Variants in ADAMTS16 observed in about 807,000 individuals in gnomAD.
The protein encoded by ADAMTS16 is A disintegrin and metalloproteinase with thrombospondin motifs 16.
ADAMTS16 carries 94 observed loss-of-function variants against 145.8 expected under a neutral mutation model. That is an observed-to-expected ratio of 0.64 (90% CI 0.55 to 0.77). The LOEUF (loss-of-function observed/expected upper bound fraction) is 0.77, where lower values mean the gene tolerates loss of function less well. Ranked by LOEUF, ADAMTS16 falls within the 30% of genes least tolerant of loss-of-function variation. The pLI is 0.00. For missense variants in ADAMTS16, 1,585 were observed against 1,591.5 expected, an observed-to-expected ratio of 1.00 and a Z score of 0.07; for synonymous variants, 659 against 604.3, an observed-to-expected ratio of 1.09 and a Z score of -1.33.
intron 3 of ADAMTS16, among the ~76,000 whole-genome samples, chr5:5,150,758 T>C (rs2086308): frequency 1 from 151,792 of 152,338 alleles, 75,645 homozygotes; most frequent in Middle Eastern, 1. Flanking sequence ...TCCATAGTCA[T>C]CCGTAGAATT....
chr5:5,304,874 A>G (rs538258005), intron 20 of ADAMTS16, among the ~76,000 whole-genome samples: 1 of 152,104 alleles, frequency 6.6e-6, no homozygotes, highest in African/African-American at 2.4e-5. Context: ...GTCTACAGAA[A>G]ATAAGCGATG....
At chr5:5,146,621 T>C (rs1304390300) in intron 3 of ADAMTS16, among the ~76,000 whole-genome samples, 166 bp downstream of exon 3, 1 of 152,236 alleles carries the variant, frequency 6.6e-6, no homozygotes, top group Non-Finnish European at 1.5e-5. Flanking sequence ...AAACATTGCG[T>C]GCCTCCTCTG....
chr5:5,285,612 T>A lies in ADAMTS16; in HGVS notation c.2790-17656T>A, dbSNP rs184128403. Among the ~76,000 whole-genome samples, 11 of 152,324 alleles carry A rather than the reference T, an allele frequency of 7.2e-5. 1 individual carries two copies. The East Asian group carries it at 2.1e-3, about 29-fold the overall frequency. ...AAAAATTTCATGCAGGTAAAGCACCTCATTAAATACTAGCTATTAGTATTA... is the reference window on the plus strand; with the variant it reads ...AAAAATTTCATGCAGGTAAAGCACCACATTAAATACTAGCTATTAGTATTA... On this transcript the variant is annotated intron_variant, in intron 18 of 22. Transcript: ENST00000274181.
intron 18 of ADAMTS16, among the ~76,000 whole-genome samples, chr5:5,288,597 G>T (rs889781584): frequency 6.6e-5 from 10 of 152,098 alleles, no homozygotes; most frequent in Admixed American, 6.6e-4. Flanking sequence ...CAGGAGTAAT[G>T]AATTCTTTAC....
chr5:5,260,781 T>C (rs4305618), intron 17 of ADAMTS16, among the ~76,000 whole-genome samples: 22,783 of 152,252 alleles, frequency 0.15, 1,742 homozygotes, highest in Middle Eastern at 0.24. Context: ...AGCCCCAAAA[T>C]GTCCAACTGG....
rs144667971 is a variant in ADAMTS16, at chr5:5,302,683, TCAAA to T, written c.2790-578_2790-575del. 3.3e-3 allele frequency among the ~76,000 whole-genome samples: 508 copies of T among 152,328 alleles called. 4 individuals are homozygous for T. Among genetic ancestry groups the T allele is most frequent in the African/African-American group, 0.012 (490 of 41,576 alleles). ...CACAATCTGGACTTTATTAGGATCC[TCAAA>T]CAAACATATTAAATTATGATATTGA... On this transcript the variant is annotated intron_variant, in intron 18 of 22. Transcript: ENST00000274181.
At chr5:5,254,631 G>A (rs1737727836) in intron 17 of ADAMTS16, among the ~76,000 whole-genome samples, 1 of 152,016 alleles carries the variant, frequency 6.6e-6, no homozygotes. Context: ...ATGAAATGCT[G>A]AACTTTATTA....
intron 3 of ADAMTS16, among the ~76,000 whole-genome samples, chr5:5,151,678 TTGTGTGTGTGTGTGTGTGTGTGTG>T (rs60381485): frequency 3.6e-5 from 5 of 139,586 alleles, no homozygotes; most frequent in Admixed American, 7.1e-5. Flanking sequence ...ATAGTTCCCT[TTGTGTGTGTGTGTGTGTGTGTGTG>T]TGTGTGTGTG....
intron 18 of ADAMTS16, among the ~76,000 whole-genome samples, chr5:5,296,601 G>A (rs1579393151): frequency 1.3e-5 from 2 of 152,092 alleles, no homozygotes; most frequent in South Asian, 2.1e-4. Flanking sequence ...AGGCCCCCAG[G>A]CTTTGCACAA....
At chr5:5,212,709 GC>G (rs1736309974) in intron 10 of ADAMTS16, among the ~76,000 whole-genome samples, 1 of 151,852 alleles carries the variant, frequency 6.6e-6, no homozygotes. Flanking sequence ...ACATCCTTTT[GC>G]CTAGTATTGC....
chr5:5,149,838 T>A (rs2560414), intron 3 of ADAMTS16, among the ~76,000 whole-genome samples: 151,815 of 152,358 alleles, frequency 1, 75,656 homozygotes, highest in Middle Eastern at 1. Context: ...TCACTTAGCA[T>A]AATGTGTTCA....
intron 3 of ADAMTS16, among the ~76,000 whole-genome samples, chr5:5,177,262 C>T (rs1016419503): frequency 6.6e-6 from 1 of 152,148 alleles, no homozygotes; most frequent in Middle Eastern, 3.2e-3. Flanking sequence ...GTGTCAAAGC[C>T]TTAGTAGTTT....
intron 18 of ADAMTS16, among the ~76,000 whole-genome samples, chr5:5,278,860 A>G (rs1032615887): frequency 2.0e-5 from 3 of 152,192 alleles, no homozygotes; most frequent in South Asian, 2.1e-4. Context: ...TTAGAAAGTG[A>G]TAAGTGTCAT....
rs1435028536 is a variant in ADAMTS16, at chr5:5,140,533, C to G, written c.66C>G (p.Ala22=). 6.0e-6 allele frequency: 9 copies of G among 1,511,994 alleles called. No homozygotes were observed. The highest frequency in any genetic ancestry group is 1.2e-5 in the South Asian group (1 of 81,156). 93.7% of individuals were successfully genotyped at this position (1,511,994 alleles called of 1,614,324 possible). A position where few individuals can be genotyped will look rare whatever the true frequency, so the allele number is the denominator to read the frequency against. ...AALWMLLAQV[A]EQAPACAMGP... is the part of the protein sequence containing the mutation. Reference sequence around the variant, plus strand: ...TGTGGATGCTGTTGGCGCAGGTGGCCGAGCAGGTGAGTCCCGGGCGCTCCC... The same window carrying G: ...TGTGGATGCTGTTGGCGCAGGTGGCGGAGCAGGTGAGTCCCGGGCGCTCCC... Residue 22 remains alanine (A), a synonymous_variant, in exon 1 of 23, where the codon GCC becomes GCG. Transcript: ENST00000274181.
chr5:5,166,262 C>CAA (rs34966973), intron 3 of ADAMTS16, among the ~76,000 whole-genome samples: 42 of 151,868 alleles, frequency 2.8e-4, no homozygotes, highest in Admixed American at 2.5e-3. Context: ...CACACACACA[C>CAA]AAACACACAT....
chr5:5,274,677 T>TATATATAC lies in ADAMTS16; in HGVS notation c.2789+11910_2789+11917dup, dbSNP rs774156735. 2.1e-5 allele frequency among the ~76,000 whole-genome samples: 3 copies of TATATATAC among 141,546 alleles called. No homozygotes were observed. In the East Asian group the frequency reaches 6.7e-4, roughly 31 times the overall value. 92.9% of individuals were successfully genotyped at this position (141,546 alleles called of 152,430 possible). On this transcript the variant is annotated intron_variant, in intron 18 of 22. Coordinates refer to ENST00000274181, the MANE Select transcript of ADAMTS16 (RefSeq NM_139056.4). Reference sequence around the variant, plus strand: ...GTGTGTGCATGTGTGTATATGTGTATATATATACATATATACATATATATA... The same window carrying TATATATAC: ...GTGTGTGCATGTGTGTATATGTGTATATATATACATATATACATATATACATATATATA...
In ADAMTS16 at chr5:5,215,870, G is replaced by GTATATATATA. The variant is rs55703329; in HGVS notation, c.1605+6660_1605+6669dup. Among the ~76,000 whole-genome samples the GTATATATATA allele has an allele frequency of 3.0e-3, 306 of 101,466 alleles. 2 individuals are homozygous for GTATATATATA. Among genetic ancestry groups the GTATATATATA allele is most frequent in the Non-Finnish European group, 4.2e-3 (234 of 55,064 alleles). The allele number at this position is 101,466 out of a possible 152,430, so 66.6% of individuals were successfully genotyped here. A position where few individuals can be genotyped will look rare whatever the true frequency, so the allele number is the denominator to read the frequency against. ...ATATATATATATGTGGTGTGTATGTGTATATATATATATATATATATATAT... is the reference window on the plus strand; with the variant it reads ...ATATATATATATGTGGTGTGTATGTGTATATATATATATATATATATATATATATATATAT... On this transcript the variant is annotated intron_variant, in intron 10 of 22. Transcript: ENST00000274181.
intron 10 of ADAMTS16, among the ~76,000 whole-genome samples, chr5:5,211,413 C>A (rs1209379848): frequency 6.6e-6 from 1 of 152,106 alleles, no homozygotes; most frequent in Non-Finnish European, 1.5e-5. Context: ...CCCTTTCATT[C>A]CTCATAATGA....
intron 18 of ADAMTS16, among the ~76,000 whole-genome samples, chr5:5,295,761 T>A (rs903288660): frequency 3.3e-5 from 5 of 152,200 alleles, no homozygotes; most frequent in African/African-American, 9.6e-5. Flanking sequence ...CAGAAATAGA[T>A]CCAGAGAATA....
Sources: gnomAD v4.1 joint callset for allele counts (sites outside exome capture counted in the v4.1 genomes callset) on GRCh38, gnomAD v4.1.1 for gene constraint, MANE v1.5 for transcripts, NCBI Gene and HGNC (gene_info 2026-07-23, HGNC 2026-07-21) for gene names.